GLIPR1L1: variants seen among roughly 807,000 people sequenced by gnomAD.
GLIPR1L1 encodes GLIPR1 like 1.
GLIPR1L1 carries 26 observed loss-of-function variants against 29.9 expected under a neutral mutation model. The ratio of observed to expected loss-of-function variants is 0.87; its 90% CI spans 0.64 to 1.21. The LOEUF (loss-of-function observed/expected upper bound fraction) is 1.21, where lower values mean the gene tolerates loss of function less well. GLIPR1L1 is among the 50% of genes most tolerant of loss of function. The pLI is 0.00. For synonymous variants in GLIPR1L1, 77 were observed against 97.5 expected, an observed-to-expected ratio of 0.79 and a Z score of 1.24; for missense variants, 305 against 290.3, an observed-to-expected ratio of 1.05 and a Z score of -0.37.
At position 75,369,397 on chromosome 12, in the gene GLIPR1L1, A is replaced by G. The variant is rs2044207172; in HGVS notation, c.611-563A>G. The G allele has an allele frequency of 1.2e-5, 5 of 413,032 alleles. No individual in the cohort carries two copies. The Admixed American group carries it at 3.2e-4, about 27-fold the overall frequency. 25.6% of individuals were successfully genotyped at this position (413,032 alleles called of 1,614,324 possible). ...AAAAGGGATTTTATTTTTTGCTGGTAACCATTATATCCAAAGCTAGAATCA... is the reference window on the plus strand; with the variant it reads ...AAAAGGGATTTTATTTTTTGCTGGTGACCATTATATCCAAAGCTAGAATCA... On this transcript the variant is annotated intron_variant, in intron 4 of 5. Transcript: ENST00000378695.
intron 4 of GLIPR1L1, chr12:75,366,794 G>A: frequency 1.4e-6 from 1 of 691,872 alleles, no homozygotes; most frequent in Admixed American, 2.0e-5. Flanking sequence ...TCTCTTCAGA[G>A]GTCTATCACC....
chr12:75,364,231 C>T (rs948924576), intron 4 of GLIPR1L1, among the ~76,000 whole-genome samples: 1 of 152,170 alleles, frequency 6.6e-6, no homozygotes, highest in Non-Finnish European at 1.5e-5. Context: ...TGTCTGACCT[C>T]CCCTTTCCCA....
At chr12:75,353,130 A>G (rs910194888) in intron 3 of GLIPR1L1, among the ~76,000 whole-genome samples, 5 of 152,194 alleles carry the variant, frequency 3.3e-5, no homozygotes, top group Admixed American at 3.3e-4. Context: ...GCAGAAGACA[A>G]GAAAAAGCCA....
In GLIPR1L1 at chr12:75,335,633, T is replaced by C. The variant is rs180882494; in HGVS notation, c.174+731T>C. ...TTTTCTATCCAGTGGAAAACAAAAG[T>C]AATTATAAAATCACAACTCAGGCAT... On this transcript the variant is annotated intron_variant, in intron 1 of 5. Coordinates refer to ENST00000378695, the MANE Select transcript of GLIPR1L1 (RefSeq NM_001304964.2). Among the ~76,000 whole-genome samples, 652 of 152,266 alleles carry C rather than the reference T, an allele frequency of 4.3e-3. 7 individuals carry two copies. Among genetic ancestry groups the C allele is most frequent in the African/African-American group, 0.015 (630 of 41,592 alleles).
chr12:75,364,968 A>ACATAACAGCT (rs1431660441), intron 4 of GLIPR1L1: 1 of 152,194 alleles, frequency 6.6e-6, no homozygotes, highest in Admixed American at 6.6e-5. Context: ...AAAAGGTGCC[A>ACATAACAGCT]CATAACAGCT....
chr12:75,343,095 T>G (rs1237508948), intron 1 of GLIPR1L1, among the ~76,000 whole-genome samples: 1 of 152,010 alleles, frequency 6.6e-6, no homozygotes, highest in East Asian at 1.9e-4. Flanking sequence ...CCAATCCTTA[T>G]ACATTTTATA....
At chr12:75,341,496 G>T (rs2042105350) in intron 1 of GLIPR1L1, among the ~76,000 whole-genome samples, 1 of 151,966 alleles carries the variant, frequency 6.6e-6, no homozygotes, top group Non-Finnish European at 1.5e-5. Flanking sequence ...GCCCAGGCTG[G>T]AATGCAGTGG....
intron 1 of GLIPR1L1, among the ~76,000 whole-genome samples, chr12:75,336,830 C>A (rs566359792): frequency 6.6e-6 from 1 of 151,772 alleles, no homozygotes; most frequent in Non-Finnish European, 1.5e-5. Context: ...AAATTTTTAT[C>A]AAGTATTCAT....
intron 4 of GLIPR1L1, chr12:75,369,666 T>A: frequency 1.0e-6 from 1 of 984,820 alleles, no homozygotes. Context: ...GAATTGGGAA[T>A]GAAAGAGTGG....
chr12:75,363,525 A>G (rs2139624073), intron 4 of GLIPR1L1, among the ~76,000 whole-genome samples: 1 of 152,282 alleles, frequency 6.6e-6, no homozygotes, highest in Middle Eastern at 3.4e-3. Context: ...TAGAATAGTG[A>G]CCCATTCAGA....
chr12:75,352,781 C>T (rs546894829), intron 3 of GLIPR1L1, among the ~76,000 whole-genome samples: 24 of 152,146 alleles, frequency 1.6e-4, no homozygotes, highest in Non-Finnish European at 3.4e-4. Context: ...TGCAAAAGAA[C>T]TGAAATCATA....
At chr12:75,366,752 G>T (rs1196667291) in intron 4 of GLIPR1L1, 14 of 629,264 alleles carry the variant, frequency 2.2e-5, no homozygotes, top group Non-Finnish European at 3.7e-5. Flanking sequence ...TTACCAATGA[G>T]TCATTTCCAC....
At chr12:75,360,976 G>A (rs1175662791) in intron 3 of GLIPR1L1, 1 of 152,176 alleles carries the variant, frequency 6.6e-6, no homozygotes, top group Non-Finnish European at 1.5e-5. Context: ...AGATAAGTCT[G>A]AGGTCTTGTC....
chr12:75,366,523 C>T (rs12372516), intron 4 of GLIPR1L1, among the ~76,000 whole-genome samples: 44,958 of 152,036 alleles, frequency 0.3, 7,813 homozygotes, highest in East Asian at 0.45. Flanking sequence ...ACTAGTAAAC[C>T]TGGCATGCCC....
chr12:75,340,929 C>A (rs2042059901), intron 1 of GLIPR1L1, among the ~76,000 whole-genome samples: 1 of 151,514 alleles, frequency 6.6e-6, no homozygotes, highest in East Asian at 1.9e-4. Flanking sequence ...ATGACAATAC[C>A]AAATACTGGT....
At chr12:75,365,949 C>A (rs566555049) in intron 4 of GLIPR1L1, among the ~76,000 whole-genome samples, 1 of 152,024 alleles carries the variant, frequency 6.6e-6, no homozygotes. Flanking sequence ...AGTTTTATAA[C>A]CCTTATGCAA....
At chr12:75,357,711 A>T (rs1348839566) in intron 3 of GLIPR1L1, among the ~76,000 whole-genome samples, 1 of 152,090 alleles carries the variant, frequency 6.6e-6, no homozygotes, top group Non-Finnish European at 1.5e-5. Flanking sequence ...ACCATTGTCC[A>T]ATGTCCAATG....
chr12:75,343,569 C>G, intron 1 of GLIPR1L1, 124 bp from the exon 2 acceptor site: 1 of 743,028 alleles, frequency 1.3e-6, no homozygotes, highest in Non-Finnish European at 2.1e-6. Context: ...ATAATAAATA[C>G]CAAAGAAAAA....
intron 3 of GLIPR1L1, among the ~76,000 whole-genome samples, chr12:75,348,728 A>C (rs548808126): frequency 8.5e-5 from 13 of 152,212 alleles, no homozygotes; most frequent in Non-Finnish European, 1.8e-4. Context: ...ATACGAGAAT[A>C]GTGTTATGTC....
Sources: gnomAD v4.1 joint callset for allele counts (sites outside exome capture counted in the v4.1 genomes callset) on GRCh38, gnomAD v4.1.1 for gene constraint, MANE v1.5 for transcripts, NCBI Gene and HGNC (gene_info 2026-07-23, HGNC 2026-07-21) for gene names.